The following NT5DC3 variants were observed in gnomAD, a reference collection of about 807,000 sequenced individuals.
The protein encoded by NT5DC3 is 5'-nucleotidase domain-containing protein 3.
A neutral mutation model predicts 67.8 loss-of-function variants in NT5DC3; 42 were observed. The ratio of observed to expected loss-of-function variants is 0.62; its 90% CI spans 0.48 to 0.80. NT5DC3 has a LOEUF of 0.80. NT5DC3 is among the 30% of genes least tolerant of loss of function. The pLI is 0.00. For synonymous variants in NT5DC3, 237 were observed against 255.6 expected (o/e 0.93, Z 0.69); for missense variants, 570 against 696.4 (o/e 0.82, Z 2.04).
rs116620103 is a variant in NT5DC3 at position 103,798,769 on chromosome 12, G to A, written c.525-92C>T. 3,927 of 887,778 alleles carry A rather than the reference G, an allele frequency of 4.4e-3. 97 individuals carry two copies. In the African/African-American group the frequency reaches 0.058, roughly 13 times the overall value. The allele number at this position is 887,778 out of a possible 1,614,324, so 55.0% of individuals were successfully genotyped here. A position where few individuals can be genotyped will look rare whatever the true frequency, so the allele number is the denominator to read the frequency against. On this transcript the variant is annotated intron_variant, in intron 4 of 13. Transcript: ENST00000392876. ...GCAGTGCTGGGATTTTTCAATTGAGGTGCAAGGCACTGTCATCATGACGAG... is the reference window on the plus strand; with the variant it reads ...GCAGTGCTGGGATTTTTCAATTGAGATGCAAGGCACTGTCATCATGACGAG...
intron 2 of NT5DC3, among the ~76,000 whole-genome samples, chr12:103,807,863 T>C (rs1459058068): frequency 6.6e-6 from 1 of 152,240 alleles, no homozygotes; most frequent in Non-Finnish European, 1.5e-5. Flanking sequence ...CAATGTAAGA[T>C]GTGCCTTTCA....
At chr12:103,778,994 C>T (rs1290688656) in intron 13 of NT5DC3, among the ~76,000 whole-genome samples, 2 of 152,166 alleles carry the variant, frequency 1.3e-5, no homozygotes, top group East Asian at 1.9e-4. Flanking sequence ...CAGAGGAATA[C>T]GGAATGCTCT....
chr12:103,793,356 A>ATTTCCAGCTGCT, intron 8 of NT5DC3, 54 bp downstream of exon 8: 9 of 1,561,106 alleles, frequency 5.8e-6, no homozygotes, highest in Non-Finnish European at 7.9e-6. Flanking sequence ...TGCTAAAACA[A>ATTTCCAGCTGCT]ATGGGATACA....
rs1026524668 is a variant in NT5DC3 at position 103,776,899 on chromosome 12, G to C, written c.*930C>G. ...TTCTGGTAAATCTCATGTTTTAACA[G>C]GATTCCAATTCAACTGGGTGGGTGG... On this transcript the variant is annotated 3_prime_UTR_variant, in exon 14 of 14. Coordinates refer to ENST00000392876, the MANE Select transcript of NT5DC3 (RefSeq NM_001031701.3). 5 of 152,230 alleles carry C rather than the reference G, an allele frequency of 3.3e-5. No individual in the cohort carries two copies. Among genetic ancestry groups the C allele is most frequent in the African/African-American group, 1.2e-4 (5 of 41,450 alleles). 9.4% of individuals were successfully genotyped at this position (152,230 alleles called of 1,614,324 possible).
chr12:103,786,977 C>T (rs528368444), intron 11 of NT5DC3, among the ~76,000 whole-genome samples: 1 of 152,206 alleles, frequency 6.6e-6, no homozygotes, highest in African/African-American at 2.4e-5. Flanking sequence ...GCCACCATGC[C>T]CAGCCCACTG....
rs201632707 is a variant in NT5DC3, at chr12:103,785,751, T to TAAAAA, written c.1189-281_1189-277dup. 295 of 367,116 alleles carry TAAAAA rather than the reference T, an allele frequency of 8.0e-4. 1 individual carries two copies. Among genetic ancestry groups the TAAAAA allele is most frequent in the Non-Finnish European group, 1.1e-3 (227 of 197,848 alleles). 22.7% of individuals were successfully genotyped at this position (367,116 alleles called of 1,614,324 possible). On this transcript the variant is annotated intron_variant, in intron 11 of 13. Coordinates refer to ENST00000392876, the MANE Select transcript of NT5DC3 (RefSeq NM_001031701.3). ...GTCTGGAATCATTAACCATGGTCTG[T>TAAAAA]AAAAAAAAAAAAAAAAAAAAAAAAA...
intron 1 of NT5DC3, among the ~76,000 whole-genome samples, chr12:103,828,631 C>T (rs1887790609): frequency 6.6e-6 from 1 of 152,166 alleles, no homozygotes; most frequent in African/African-American, 2.4e-5. Flanking sequence ...CTGCAGGCTC[C>T]TCCTGCCTCT....
chr12:103,793,405 C>T lies in NT5DC3; in HGVS notation c.917+5G>A. On this transcript the variant is annotated splice_donor_5th_base_variant and intron_variant, in intron 8 of 13. Transcript: ENST00000392876. ...AAGCTAGCAATGAAACACAGAGCAA[C>T]TTACACAAAGCTACTGGGGCTATTG... 2 of 1,612,390 alleles carry T rather than the reference C, an allele frequency of 1.2e-6. No homozygotes were observed. The highest frequency in any genetic ancestry group is 1.7e-6 in the Non-Finnish European group (2 of 1,178,428).
intron 11 of NT5DC3, among the ~76,000 whole-genome samples, chr12:103,787,008 T>A (rs112576959): frequency 1.3e-4 from 20 of 152,296 alleles, no homozygotes; most frequent in African/African-American, 4.8e-4. Flanking sequence ...TTGAAGCCTT[T>A]GAATATTTCT....
chr12:103,838,137 A>C (rs2139495783), intron 1 of NT5DC3, among the ~76,000 whole-genome samples: 1 of 152,316 alleles, frequency 6.6e-6, no homozygotes, highest in South Asian at 2.1e-4. Flanking sequence ...AACTCATCAG[A>C]TCTCAAGACT....
chr12:103,746,751 A>G, the NT5DC3 span: 1 of 1,589,536 alleles, frequency 6.3e-7, no homozygotes, highest in South Asian at 1.1e-5. Context: ...GGTGTGGGAG[A>G]GGAGCAGGAC....
At chr12:103,826,321 G>A (rs1438006863) in intron 1 of NT5DC3, among the ~76,000 whole-genome samples, 7 of 152,232 alleles carry the variant, frequency 4.6e-5, no homozygotes. Context: ...AATTAAGGTT[G>A]CAGATGGATT....
At chr12:103,793,089 T>C in intron 9 of NT5DC3, 75 bp downstream of exon 9, 1 of 1,080,170 alleles carries the variant, frequency 9.3e-7, no homozygotes, top group Non-Finnish European at 1.4e-6. Context: ...AACTGGATTT[T>C]ACCAAGACAC....
At chr12:103,815,205 A>G in intron 1 of NT5DC3, 84 bp from the exon 2 acceptor site, 3 of 815,906 alleles carry the variant, frequency 3.7e-6, no homozygotes, top group Non-Finnish European at 5.4e-6. Context: ...TGAGTAAACT[A>G]GACTATAAAA....
rs116225589 is a variant in NT5DC3, at chr12:103,823,639, T to C, written c.209-8518A>G. Among the ~76,000 whole-genome samples, 275 of 152,326 alleles carry C rather than the reference T, an allele frequency of 1.8e-3. 1 individual carries two copies. Among genetic ancestry groups the C allele is most frequent in the African/African-American group, 6.4e-3 (264 of 41,572 alleles). On this transcript the variant is annotated intron_variant, in intron 1 of 13. Transcript: ENST00000392876. ...ATATTCCAAATACTTTAAGATTTCA[T>C]ATTTATTTAACATGGCTTCAAATTC...
the NT5DC3 span, among the ~76,000 whole-genome samples, chr12:103,760,650 C>T: frequency 3.3e-5 from 5 of 152,000 alleles, no homozygotes; most frequent in East Asian, 5.8e-4. Flanking sequence ...GTGGGGGTAG[C>T]GGTGGAGGTG....
intron 1 of NT5DC3, among the ~76,000 whole-genome samples, chr12:103,827,337 C>T (rs1264413802): frequency 6.6e-6 from 1 of 152,112 alleles, no homozygotes; most frequent in Non-Finnish European, 1.5e-5. Context: ...ATTTCTAATA[C>T]AATCACTATC....
chr12:103,791,438 G>A (rs1886055650), intron 9 of NT5DC3, among the ~76,000 whole-genome samples: 1 of 152,074 alleles, frequency 6.6e-6, no homozygotes, highest in African/African-American at 2.4e-5. Flanking sequence ...CCAGCTAGGT[G>A]CATGTTTTCC....
Position 103,840,929 on chromosome 12 carries a change from G to T in NT5DC3, c.208+20C>A. ...CAGGAGGGGCCCCAGGCGCCGGGGC[G>T]GGGTCGCCGCCTCACTCACCTTCTG... On this transcript the variant is annotated intron_variant, in intron 1 of 13. Coordinates refer to ENST00000392876, the MANE Select transcript of NT5DC3 (RefSeq NM_001031701.3). 1.5e-6 allele frequency: 2 copies of T among 1,332,288 alleles called. No homozygotes were observed. 82.5% of individuals were successfully genotyped at this position (1,332,288 alleles called of 1,614,324 possible). A position where few individuals can be genotyped will look rare whatever the true frequency, so the allele number is the denominator to read the frequency against.
Sources: gnomAD v4.1 joint callset for allele counts (sites outside exome capture counted in the v4.1 genomes callset) on GRCh38, gnomAD v4.1.1 for gene constraint, MANE v1.5 for transcripts, NCBI Gene and HGNC (gene_info 2026-07-23, HGNC 2026-07-21) for gene names.